The following RASGRP3 variants were observed in gnomAD, a reference collection of about 807,000 sequenced individuals.
RASGRP3 encodes ras guanyl-releasing protein 3.
In RASGRP3, 54 loss-of-function variants were observed where a neutral mutation model predicts 82.7. That is an observed-to-expected ratio of 0.65 (90% confidence interval 0.52 to 0.82). The LOEUF (loss-of-function observed/expected upper bound fraction) is 0.82. Among genes scored for constraint, RASGRP3 ranks in the 40% least tolerant of loss-of-function variants. The pLI is 0.00. For missense variants in RASGRP3, 861 were observed against 828.9 expected, an observed-to-expected ratio of 1.04 and a Z score of -0.48; for synonymous variants, 309 against 300.5, an observed-to-expected ratio of 1.03 and a Z score of -0.29.
intron 1 of RASGRP3, among the ~76,000 whole-genome samples, chr2:33,507,879 A>G (rs759503294): frequency 6.6e-6 from 1 of 152,228 alleles, no homozygotes; most frequent in Admixed American, 6.5e-5. Flanking sequence ...AATAGATTGT[A>G]GTAAAGACCT....
intron 1 of RASGRP3, among the ~76,000 whole-genome samples, chr2:33,488,075 G>C (rs1287711290): frequency 6.6e-6 from 1 of 152,192 alleles, no homozygotes; most frequent in Non-Finnish European, 1.5e-5. Context: ...ATTCAAGAAA[G>C]ATTAACACAA....
At chr2:33,486,283 C>A (rs995659114) in intron 1 of RASGRP3, among the ~76,000 whole-genome samples, 4 of 152,018 alleles carry the variant, frequency 2.6e-5, no homozygotes, top group African/African-American at 9.7e-5. Flanking sequence ...CCTGCCTCAG[C>A]CTCCTGAGTA....
chr2:33,558,403 T>A (rs1676257302), intron 16 of RASGRP3, 67 bp downstream of exon 16: 1 of 1,607,802 alleles, frequency 6.2e-7, no homozygotes, highest in South Asian at 1.1e-5. Flanking sequence ...TTGGACCTCA[T>A]TTAGGTTCTG....
At chr2:33,523,535 A>G (rs976714930) in intron 7 of RASGRP3, among the ~76,000 whole-genome samples, 39 of 151,972 alleles carry the variant, frequency 2.6e-4, no homozygotes, top group African/African-American at 8.7e-4. Flanking sequence ...GAGTGTTCCC[A>G]GGAACCAGCA....
At position 33,524,530 on chromosome 2, in the gene RASGRP3, T is replaced by G; in HGVS notation, c.789T>G (p.Leu263=). 6.3e-7 allele frequency: 1 copy of G among 1,595,114 alleles called. No homozygotes were observed. ...GCCTCAAAGAGACCCATTCTCATCTTTCTTCAGAAGTTACAAAGGTATAGT... is the reference window on the plus strand; with the variant it reads ...GCCTCAAAGAGACCCATTCTCATCTGTCTTCAGAAGTTACAAAGGTATAGT... The part of the protein sequence containing the change: ...ISRLKETHSH[L]SSEVTKNWNE... The change falls in exon 9 of 18, where the codon CTT becomes CTG. Residue 263 remains leucine (L), a synonymous_variant. Coordinates refer to ENST00000403687, the MANE Select transcript of RASGRP3 (RefSeq NM_001139488.2).
At chr2:33,510,486 G>C (rs1236992245) in intron 1 of RASGRP3, among the ~76,000 whole-genome samples, 1 of 152,192 alleles carries the variant, frequency 6.6e-6, no homozygotes, top group Non-Finnish European at 1.5e-5. Context: ...TGGTGAGGCT[G>C]CTTGGCCCCC....
At chr2:33,522,824 G>A (rs1304073529) in intron 7 of RASGRP3, among the ~76,000 whole-genome samples, 3 of 152,204 alleles carry the variant, frequency 2.0e-5, no homozygotes, top group African/African-American at 7.2e-5. Context: ...AAAGAAGACT[G>A]TCTTGGTTAG....
intron 5 of RASGRP3, 127 bp downstream of exon 5, chr2:33,520,141 T>TTC (rs1671885499): frequency 1.4e-6 from 1 of 740,734 alleles, no homozygotes; most frequent in Admixed American, 2.8e-5. Flanking sequence ...CCACCAACTT[T>TTC]GTTAAAATTG....
At chr2:33,542,025 G>C (rs1372858742) in intron 12 of RASGRP3, among the ~76,000 whole-genome samples, 2 of 146,968 alleles carry the variant, frequency 1.4e-5, no homozygotes, top group South Asian at 2.2e-4. Flanking sequence ...GATGGAGTTT[G>C]ATTCTAGGAG....
rs767124838 is a variant in RASGRP3, at chr2:33,547,053, GAAAAAAAA to G, written c.1395-2537_1395-2530del. 8.5e-3 allele frequency among the ~76,000 whole-genome samples: 1,050 copies of G among 123,918 alleles called. 18 individuals carry two copies. Among genetic ancestry groups the G allele is most frequent in the African/African-American group, 0.027 (934 of 34,072 alleles). 81.3% of individuals were successfully genotyped at this position (123,918 alleles called of 152,430 possible). Reference sequence around the variant, plus strand: ...AACAAGAGCGAATCTCTGTCTCAGGGAAAAAAAAAAAAAAAAAAAAAGAGAGAGAGAAT... The same window carrying G: ...AACAAGAGCGAATCTCTGTCTCAGGGAAAAAAAAAAAAAGAGAGAGAGAAT... On this transcript the variant is annotated intron_variant, in intron 13 of 17. Coordinates refer to ENST00000403687, the MANE Select transcript of RASGRP3 (RefSeq NM_001139488.2).
chr2:33,488,990 G>A (rs887662731), intron 1 of RASGRP3, among the ~76,000 whole-genome samples: 1 of 151,888 alleles, frequency 6.6e-6, no homozygotes, highest in Non-Finnish European at 1.5e-5. Flanking sequence ...TGATGTTATG[G>A]CATCAGTCTA....
At chr2:33,469,212 T>C (rs1666907325) in intron 2 of RASGRP3, among the ~76,000 whole-genome samples, 1 of 152,194 alleles carries the variant, frequency 6.6e-6, no homozygotes, top group Non-Finnish European at 1.5e-5. Flanking sequence ...TTAAGACCAT[T>C]AACCCTTTAC....
At chr2:33,468,893 A>T (rs1426459007) in intron 2 of RASGRP3, among the ~76,000 whole-genome samples, 1 of 152,198 alleles carries the variant, frequency 6.6e-6, no homozygotes, top group African/African-American at 2.4e-5. Context: ...TGCTGAGTTA[A>T]AGGGTATTCA....
At position 33,539,349 on chromosome 2, in the gene RASGRP3, G is replaced by C. The variant is rs564011275; in HGVS notation, c.1278+139G>C. ...GTAGGAACAATTTAGCAGGCACTTA[G>C]TCCTACCAGGCATTGGGTCCTGGGG... On this transcript the variant is annotated intron_variant, in intron 12 of 17. Coordinates refer to ENST00000403687, the MANE Select transcript of RASGRP3 (RefSeq NM_001139488.2). 151 of 664,182 alleles carry C rather than the reference G, an allele frequency of 2.3e-4. No individual in the cohort carries two copies. In the South Asian group the frequency reaches 2.8e-3, roughly 13 times the overall value. The allele number at this position is 664,182 out of a possible 1,614,324, so 41.1% of individuals were successfully genotyped here.
intron 1 of RASGRP3, among the ~76,000 whole-genome samples, chr2:33,488,462 T>G (rs904964608): frequency 1.3e-5 from 2 of 152,166 alleles, no homozygotes; most frequent in Non-Finnish European, 2.9e-5. Context: ...GTGAGATTGC[T>G]CAAGGCTCAA....
chr2:33,524,864 G>A (rs567495369), intron 9 of RASGRP3, among the ~76,000 whole-genome samples: 49 of 152,026 alleles, frequency 3.2e-4, no homozygotes, highest in Non-Finnish European at 5.9e-4. Context: ...CGGATCACAA[G>A]GTCAGGAGAT....
At chr2:33,466,181 A>G (rs1241730144) in intron 2 of RASGRP3, among the ~76,000 whole-genome samples, 1 of 152,224 alleles carries the variant, frequency 6.6e-6, no homozygotes, top group Non-Finnish European at 1.5e-5. Flanking sequence ...TATAGCTACC[A>G]TAGATAGTGA....
intron 2 of RASGRP3, among the ~76,000 whole-genome samples, chr2:33,462,288 G>T (rs1313956478): frequency 6.6e-6 from 1 of 152,068 alleles, no homozygotes; most frequent in South Asian, 2.1e-4. Flanking sequence ...TGTTGATTTA[G>T]AGTGAGGCTG....
chr2:33,555,404 A>T, intron 14 of RASGRP3, 127 bp from the exon 15 acceptor site: 1 of 656,246 alleles, frequency 1.5e-6, no homozygotes, highest in Non-Finnish European at 2.6e-6. Context: ...GAAGGGTGTT[A>T]AAAGTGGCTA....
Sources: allele counts gnomAD v4.1 joint callset (sites outside exome capture counted in the v4.1 genomes callset), GRCh38; gene constraint gnomAD v4.1.1; transcripts MANE v1.5; gene names NCBI Gene and HGNC (gene_info 2026-07-23, HGNC 2026-07-21).